ADAM7: variants seen among roughly 807,000 people sequenced by gnomAD.
ADAM7 encodes the protein disintegrin and metalloproteinase domain-containing protein 7.
ADAM7 carries 97 observed loss-of-function variants against 102.9 expected under a neutral mutation model. The ratio of observed to expected loss-of-function variants is 0.94; its 90% CI spans 0.80 to 1.12. The LOEUF is 1.12. Among genes scored for constraint, ADAM7 ranks in the 50% most tolerant of loss-of-function variants. The pLI is 0.00. For missense variants in ADAM7, 991 were observed against 908.7 expected (o/e 1.09, Z -1.16); for synonymous variants, 334 against 304.4 (o/e 1.10, Z -1.01).
intron 20 of ADAM7, among the ~76,000 whole-genome samples, chr8:24,506,753 GCACACA>G (rs71549838): frequency 0.077 from 11,172 of 144,216 alleles, 512 homozygotes; most frequent in African/African-American, 0.12. Flanking sequence ...CTGAGTCAAA[GCACACA>G]CACACACACA....
At chr8:24,444,301 G>A (rs1383878414) in intron 2 of ADAM7, among the ~76,000 whole-genome samples, 4 of 151,076 alleles carry the variant, frequency 2.6e-5, no homozygotes, top group Admixed American at 1.3e-4. Context: ...TAAATAAATT[G>A]AAAAAATGGA....
intron 2 of ADAM7, among the ~76,000 whole-genome samples, chr8:24,445,623 A>G (rs191502335): frequency 1.7e-3 from 259 of 152,348 alleles, no homozygotes; most frequent in Admixed American, 2.2e-3. Context: ...TTTCCTGGCT[A>G]TAGTACTGAG....
At chr8:24,443,641 T>C (rs1164914251) in intron 2 of ADAM7, among the ~76,000 whole-genome samples, 1 of 152,052 alleles carries the variant, frequency 6.6e-6, no homozygotes, top group Non-Finnish European at 1.5e-5. Flanking sequence ...AGACTGATGT[T>C]AAAAATCTCA....
chr8:24,442,574 C>G lies in ADAM7; in HGVS notation c.154C>G (p.Leu52Val), dbSNP rs187537700. 2.5e-6 allele frequency: 4 copies of G among 1,610,804 alleles called. No homozygotes were observed. Among genetic ancestry groups the G allele is most frequent in the Non-Finnish European group, 3.4e-6 (4 of 1,176,988 alleles). The change falls in exon 2 of 22, where the codon CTG (leucine) becomes GTG (valine). Residue 52 changes from leucine to valine, a missense_variant and splice_region_variant. Coordinates refer to ENST00000175238, the MANE Select transcript of ADAM7 (RefSeq NM_003817.4). ...TGGACACACCCATGATGATGACATACTGGTACAAGTTTTGATTTAGTAAAT... is the reference window on the plus strand; with the variant it reads ...TGGACACACCCATGATGATGACATAGTGGTACAAGTTTTGATTTAGTAAAT... Reference protein sequence around the residue: ...DTGHTHDDDILKTYEEELLYE... With the variant: ...DTGHTHDDDIVKTYEEELLYE...
chr8:24,502,053 A>C (rs980964885), intron 20 of ADAM7, among the ~76,000 whole-genome samples: 1 of 152,116 alleles, frequency 6.6e-6, no homozygotes, highest in Non-Finnish European at 1.5e-5. Flanking sequence ...AAGAAAGAAA[A>C]GAATTGTAGC....
intron 7 of ADAM7, among the ~76,000 whole-genome samples, chr8:24,471,004 G>A (rs1819583396): frequency 1.3e-5 from 2 of 152,074 alleles, no homozygotes; most frequent in South Asian, 4.1e-4. Flanking sequence ...AGATATGGAG[G>A]TGAAGACAAT....
chr8:24,507,445 G>A (rs1447091793), intron 20 of ADAM7, 35 bp from the exon 21 acceptor site: 2 of 1,553,284 alleles, frequency 1.3e-6, no homozygotes, highest in South Asian at 1.1e-5. Flanking sequence ...AACATCTGAT[G>A]TGGCACATGA....
At chr8:24,450,254 T>C (rs1818730306) in intron 3 of ADAM7, among the ~76,000 whole-genome samples, 1 of 152,222 alleles carries the variant, frequency 6.6e-6, no homozygotes, top group South Asian at 2.1e-4. Flanking sequence ...ATGGCCATTT[T>C]CACGATATTG....
intron 14 of ADAM7, 98 bp from the exon 15 acceptor site, chr8:24,492,397 T>C: frequency 3.3e-6 from 3 of 898,086 alleles, no homozygotes; most frequent in Non-Finnish European, 5.1e-6. Flanking sequence ...CACTATGACA[T>C]GATTCTGAAA....
chr8:24,486,372 T>C (rs976092755), intron 10 of ADAM7, among the ~76,000 whole-genome samples: 1 of 152,208 alleles, frequency 6.6e-6, no homozygotes, highest in African/African-American at 2.4e-5. Flanking sequence ...GTTTTTCCCA[T>C]AATAGAAACT....
At chr8:24,462,108 G>A (rs1181439869) in intron 3 of ADAM7, among the ~76,000 whole-genome samples, 1 of 152,210 alleles carries the variant, frequency 6.6e-6, no homozygotes, top group Non-Finnish European at 1.5e-5. Flanking sequence ...ACGTTCTGCT[G>A]AAGAGTTCTC....
intron 8 of ADAM7, among the ~76,000 whole-genome samples, chr8:24,480,388 ATACTCACG>A (rs1328832222): frequency 1.3e-5 from 2 of 152,106 alleles, no homozygotes; most frequent in Non-Finnish European, 2.9e-5. Flanking sequence ...CACAGAGCCC[ATACTCACG>A]TTATTTCACT....
intron 4 of ADAM7, among the ~76,000 whole-genome samples, 198 bp from the exon 5 acceptor site, chr8:24,465,501 A>G (rs1819395046): frequency 1.3e-5 from 2 of 152,228 alleles, no homozygotes; most frequent in African/African-American, 4.8e-5. Flanking sequence ...ACATAATCAC[A>G]TAATTAAGGT....
intron 16 of ADAM7, among the ~76,000 whole-genome samples, chr8:24,498,132 A>G (rs1820622568): frequency 6.6e-6 from 1 of 151,988 alleles, no homozygotes; most frequent in Non-Finnish European, 1.5e-5. Flanking sequence ...GAGATAGGAT[A>G]TTAAAGAAAT....
chr8:24,445,422 C>G (rs1445412605), intron 2 of ADAM7, among the ~76,000 whole-genome samples: 1 of 152,160 alleles, frequency 6.6e-6, no homozygotes, highest in Non-Finnish European at 1.5e-5. Context: ...TCTTCAGATC[C>G]TCCTTGCTAT....
chr8:24,450,290 T>C (rs1244402387), intron 3 of ADAM7, among the ~76,000 whole-genome samples: 1 of 152,202 alleles, frequency 6.6e-6, no homozygotes, highest in Non-Finnish European at 1.5e-5. Flanking sequence ...GAGCATGGAA[T>C]GTTCTTCCAT....
At chr8:24,443,971 A>G (rs1236704873) in intron 2 of ADAM7, among the ~76,000 whole-genome samples, 1 of 151,132 alleles carries the variant, frequency 6.6e-6, no homozygotes, top group African/African-American at 2.4e-5. Flanking sequence ...AAATAAAATA[A>G]AATAAAAATA....
At chr8:24,451,146 A>G (rs1277402416) in intron 3 of ADAM7, among the ~76,000 whole-genome samples, 2 of 151,978 alleles carry the variant, frequency 1.3e-5, no homozygotes, top group Non-Finnish European at 2.9e-5. Context: ...CTTTGGTATC[A>G]GAATGATGCT....
intron 7 of ADAM7, among the ~76,000 whole-genome samples, chr8:24,473,600 A>C (rs1819676978): frequency 6.6e-6 from 1 of 152,202 alleles, no homozygotes; most frequent in South Asian, 2.1e-4. Flanking sequence ...AAAGATATAG[A>C]TACCTGTAAG....
Sources: gnomAD v4.1 joint callset for allele counts (sites outside exome capture counted in the v4.1 genomes callset) on GRCh38, gnomAD v4.1.1 for gene constraint, MANE v1.5 for transcripts, NCBI Gene and HGNC (gene_info 2026-07-23, HGNC 2026-07-21) for gene names.